The following TMEM132B variants were observed in gnomAD, a reference collection of about 807,000 sequenced individuals.
TMEM132B encodes transmembrane protein 132B.
Under a neutral mutation model 90.8 loss-of-function variants are expected in TMEM132B, and 18 were observed. The ratio of observed to expected loss-of-function variants is 0.20; its 90% CI spans 0.14 to 0.29. The LOEUF is 0.29. Ranked by LOEUF, TMEM132B falls within the 10% of genes least tolerant of loss-of-function variation. The probability of loss-of-function intolerance (pLI) is 1.00; values close to 1 mark genes in which losing one functional copy is unlikely to be tolerated. For missense variants in TMEM132B, 1,096 were observed against 1,326.8 expected, an observed-to-expected ratio of 0.83 and a Z score of 2.70; for synonymous variants, 504 against 523.3, an observed-to-expected ratio of 0.96 and a Z score of 0.50.
At chr12:125,442,658 T>G (rs1170294573) in intron 3 of TMEM132B, among the ~76,000 whole-genome samples, 2 of 152,204 alleles carry the variant, frequency 1.3e-5, no homozygotes, top group East Asian at 3.8e-4. Context: ...GAGAAGATGC[T>G]CTATTCAGGA....
rs1886982745 is a variant in TMEM132B at position 125,653,632 on chromosome 12, C to G, written c.2174C>G (p.Pro725Arg). 6.2e-7 allele frequency: 1 copy of G among 1,614,138 alleles called. No homozygotes were observed. The highest frequency in any genetic ancestry group is 2.2e-5 in the East Asian group (1 of 44,876). The change falls in exon 9 of 9, where the codon CCT (proline) becomes CGT (arginine). Residue 725 changes from proline (P) to arginine (R), a missense_variant. By Grantham distance (103) the Pro-to-Arg change is moderately radical. Coordinates refer to ENST00000682704, the MANE Select transcript of TMEM132B (RefSeq NM_001366854.1). ...GSVTPLDIYD[P>R]KDYSVTVSSL... is the part of the protein sequence containing the mutation. The stretch of plus-strand genomic sequence containing the variant: ...GTGACACCTTTAGACATTTACGATC[C>G]TAAGGATTATTCTGTTACTGTCTCA...
At chr12:125,243,480 AT>A (rs1874136579) in intron 1 of TMEM132B, among the ~76,000 whole-genome samples, 1 of 152,032 alleles carries the variant, frequency 6.6e-6, no homozygotes, top group Non-Finnish European at 1.5e-5. Context: ...CTAATTTTGC[AT>A]TTTTAGTAGA....
intron 1 of TMEM132B, among the ~76,000 whole-genome samples, chr12:125,249,784 G>A (rs1874277475): frequency 6.6e-6 from 1 of 152,240 alleles, no homozygotes; most frequent in East Asian, 1.9e-4. Context: ...AGAGCTCGTG[G>A]TCTGACAATG....
At chr12:125,523,832 C>G (rs1883374477) in intron 4 of TMEM132B, among the ~76,000 whole-genome samples, 6 of 152,206 alleles carry the variant, frequency 3.9e-5, no homozygotes, top group Admixed American at 3.3e-4. Context: ...CTCCAAGATC[C>G]TAGGGATACT....
chr12:125,540,283 C>T (rs758415178), intron 4 of TMEM132B, among the ~76,000 whole-genome samples: 32 of 152,010 alleles, frequency 2.1e-4, no homozygotes, highest in Admixed American at 1.4e-3. Context: ...ATGTATTCTG[C>T]TGTTGTTGAG....
intron 1 of TMEM132B, among the ~76,000 whole-genome samples, chr12:125,244,425 C>T (rs1021734257): frequency 3.9e-5 from 6 of 152,194 alleles, no homozygotes; most frequent in Non-Finnish European, 8.8e-5. Context: ...GTGCTGGCCC[C>T]TCAGGGAGCT....
chr12:125,320,640 A>AGC, intron 1 of TMEM132B, among the ~76,000 whole-genome samples: 1 of 152,082 alleles, frequency 6.6e-6, no homozygotes, highest in Non-Finnish European at 1.5e-5. Flanking sequence ...CGGCTCCACA[A>AGC]GGGGGAAGCT....
chr12:125,631,851 G>A (rs187126318), intron 5 of TMEM132B, among the ~76,000 whole-genome samples: 17 of 151,990 alleles, frequency 1.1e-4, no homozygotes, highest in East Asian at 7.7e-4. Context: ...TTTTCCATCC[G>A]TTTATTTTCA....
chr12:125,453,581 A>C (rs1881212959), intron 3 of TMEM132B, among the ~76,000 whole-genome samples: 1 of 152,190 alleles, frequency 6.6e-6, no homozygotes, highest in East Asian at 1.9e-4. Flanking sequence ...ATACATTGAA[A>C]ACCAAGTGCA....
intron 3 of TMEM132B, among the ~76,000 whole-genome samples, chr12:125,469,367 A>G (rs1268436189): frequency 6.6e-6 from 1 of 152,164 alleles, no homozygotes; most frequent in Non-Finnish European, 1.5e-5. Flanking sequence ...TATTTTTTCT[A>G]CCTTAAAAGA....
At chr12:125,489,838 T>C (rs896868563) in intron 3 of TMEM132B, among the ~76,000 whole-genome samples, 2 of 152,338 alleles carry the variant, frequency 1.3e-5, no homozygotes, top group African/African-American at 4.8e-5. Context: ...CCAGTTTGAA[T>C]GGTCCAAGAT....
At chr12:125,449,077 C>T (rs950738033) in intron 3 of TMEM132B, among the ~76,000 whole-genome samples, 1 of 149,150 alleles carries the variant, frequency 6.7e-6, no homozygotes, top group African/African-American at 2.5e-5. Flanking sequence ...CACCATTCTT[C>T]TGCCTCAGCC....
At chr12:125,316,960 C>G (rs1026047891) in intron 1 of TMEM132B, among the ~76,000 whole-genome samples, 2 of 152,188 alleles carry the variant, frequency 1.3e-5, no homozygotes, top group African/African-American at 4.8e-5. Context: ...TTTGGCCAAG[C>G]CTCCTCTCCT....
chr12:125,550,536 T>G (rs1884201028), intron 4 of TMEM132B, among the ~76,000 whole-genome samples: 1 of 152,242 alleles, frequency 6.6e-6, no homozygotes, highest in Admixed American at 6.5e-5. Context: ...TGTATTAACA[T>G]AGCCCTAAAG....
chr12:125,238,387 C>CAA (rs1565981391), intron 1 of TMEM132B, among the ~76,000 whole-genome samples: 1 of 137,618 alleles, frequency 7.3e-6, no homozygotes, highest in South Asian at 2.3e-4. Flanking sequence ...CAAAAAAAAA[C>CAA]CAAAAAAACA....
At chr12:125,632,713 A>C (rs1243540916) in intron 5 of TMEM132B, among the ~76,000 whole-genome samples, 2 of 151,982 alleles carry the variant, frequency 1.3e-5, no homozygotes, top group African/African-American at 4.8e-5. Flanking sequence ...TAAATATGTC[A>C]TGCCACTCTC....
intron 4 of TMEM132B, among the ~76,000 whole-genome samples, chr12:125,563,077 C>T (rs1158463603): frequency 3.3e-5 from 5 of 151,336 alleles, no homozygotes; most frequent in Non-Finnish European, 5.9e-5. Context: ...ACATAGGCAT[C>T]GTTTGTGGCA....
Position 125,270,112 on chromosome 12 carries a change from T to TTGTGTGTGTGTGTGTG in TMEM132B, c.68-79318_68-79303dup, listed in dbSNP as rs59168219. Among the ~76,000 whole-genome samples the TTGTGTGTGTGTGTGTG allele has an allele frequency of 7.7e-3, 1,107 of 143,222 alleles. 14 individuals carry two copies. Among genetic ancestry groups the TTGTGTGTGTGTGTGTG allele is most frequent in the East Asian group, 0.017 (83 of 4,804 alleles). 94.0% of individuals were successfully genotyped at this position (143,222 alleles called of 152,430 possible). On this transcript the variant is annotated intron_variant, in intron 1 of 8. Transcript: ENST00000682704. ...GCTAATGCCACATCTCACATCTTTG[T>TTGTGTGTGTGTGTGTG]TGTGTGTGTGTGTGTGTGTGTGTGT...
intron 4 of TMEM132B, among the ~76,000 whole-genome samples, chr12:125,568,268 A>G (rs1884707887): frequency 6.6e-6 from 1 of 152,104 alleles, no homozygotes; most frequent in African/African-American, 2.4e-5. Context: ...TTGTGAGCAC[A>G]TAGTAGGCAT....
Sources: gnomAD v4.1 joint callset for allele counts (sites outside exome capture counted in the v4.1 genomes callset) on GRCh38, gnomAD v4.1.1 for gene constraint, MANE v1.5 for transcripts, NCBI Gene and HGNC (gene_info 2026-07-23, HGNC 2026-07-21) for gene names.